The following MMADHC variants were observed in gnomAD, a reference collection of about 807,000 sequenced individuals.
MMADHC encodes the protein metabolism of cobalamin associated D.
Under a neutral mutation model 36.3 loss-of-function variants are expected in MMADHC, and 23 were observed. The ratio of observed to expected loss-of-function variants is 0.63; its 90% CI spans 0.46 to 0.90. MMADHC has a LOEUF of 0.90. Among genes scored for constraint, MMADHC ranks in the 40% least tolerant of loss-of-function variants. The pLI is 0.00. For missense variants in MMADHC, 330 were observed against 348.0 expected (o/e 0.95, Z 0.41); for synonymous variants, 97 against 116.1 (o/e 0.84, Z 1.06).
intron 7 of MMADHC, 114 bp from the exon 8 acceptor site, chr2:149,570,282 A>ATAAG: frequency 1.1e-6 from 1 of 927,472 alleles, no homozygotes; most frequent in Non-Finnish European, 1.7e-6. Flanking sequence ...AAAAAACTAA[A>ATAAG]TAAGTAAAAA....
intron 4 of MMADHC, 126 bp downstream of exon 4, chr2:149,579,305 T>C (rs1407365584): frequency 1.8e-5 from 16 of 872,912 alleles, no homozygotes; most frequent in Non-Finnish European, 2.9e-5. Context: ...TATGCTGTTT[T>C]TGTATATACA....
At chr2:149,583,635 T>G (rs1682824339) in intron 2 of MMADHC, among the ~76,000 whole-genome samples, 1 of 152,142 alleles carries the variant, frequency 6.6e-6, no homozygotes, top group African/African-American at 2.4e-5. Context: ...TGAAAATCAG[T>G]TACCAGGATG....
chr2:149,577,342 CAA>C (rs944344526), intron 4 of MMADHC, among the ~76,000 whole-genome samples: 3 of 152,044 alleles, frequency 2.0e-5, no homozygotes, highest in Non-Finnish European at 4.4e-5. Flanking sequence ...TAATAAAGTA[CAA>C]AGACACAGAA....
chr2:149,583,886 G>C (rs1405539278), intron 2 of MMADHC, among the ~76,000 whole-genome samples: 1 of 151,746 alleles, frequency 6.6e-6, no homozygotes, highest in African/African-American at 2.4e-5. Flanking sequence ...TCTTTATACT[G>C]CCATAAGAAT....
chr2:149,587,148 T>A lies in MMADHC; in HGVS notation c.-51A>T. ...AATAGCTTTCCTTTGGTAAAGTTAT[T>A]TCTGGGAAAGAACACAACAAAACAG... On this transcript the variant is annotated splice_region_variant and 5_prime_UTR_variant, in exon 2 of 8. Coordinates refer to ENST00000303319, the MANE Select transcript of MMADHC (RefSeq NM_015702.3). 1 of 1,589,546 alleles carries A rather than the reference T, an allele frequency of 6.3e-7. No individual in the cohort carries two copies. The highest frequency in any genetic ancestry group is 1.1e-5 in the South Asian group (1 of 90,552).
intron 3 of MMADHC, among the ~76,000 whole-genome samples, chr2:149,580,488 T>C (rs1023563735): frequency 6.6e-6 from 1 of 152,040 alleles, no homozygotes; most frequent in Admixed American, 6.6e-5. Context: ...AATCCTAACT[T>C]ATAAAAAATT....
chr2:149,573,268 C>CAACA (rs1682670131), intron 6 of MMADHC, among the ~76,000 whole-genome samples: 7 of 151,548 alleles, frequency 4.6e-5, no homozygotes, highest in Admixed American at 4.6e-4. Flanking sequence ...AAACAAACAA[C>CAACA]AAAAAACCCA....
intron 7 of MMADHC, among the ~76,000 whole-genome samples, chr2:149,570,850 G>C (rs560689456): frequency 6.6e-6 from 1 of 152,210 alleles, no homozygotes; most frequent in South Asian, 2.1e-4. Flanking sequence ...CTACTAGTGA[G>C]AGCAGAAAGT....
intron 2 of MMADHC, among the ~76,000 whole-genome samples, chr2:149,585,412 A>G (rs931261224): frequency 9.2e-5 from 14 of 152,160 alleles, no homozygotes; most frequent in Non-Finnish European, 2.9e-5. Flanking sequence ...AAAACTAAAA[A>G]CTGGTAGTTT....
At position 149,576,357 on chromosome 2, in the gene MMADHC, G is replaced by A. The variant is rs78044101; in HGVS notation, c.478+80C>T. The A allele has an allele frequency of 7.0e-5, 67 of 959,458 alleles. 1 individual carries two copies. The highest frequency in any genetic ancestry group is 6.1e-4 in the South Asian group (47 of 77,230). 59.4% of individuals were successfully genotyped at this position (959,458 alleles called of 1,614,324 possible). ...AAAATATAATATTAAGGTATACAGC[G>A]TTCCAATTTCTATAGAGTACATTAT... On this transcript the variant is annotated intron_variant, in intron 5 of 7. Coordinates refer to ENST00000303319, the MANE Select transcript of MMADHC (RefSeq NM_015702.3).
intron 2 of MMADHC, 70 bp from the exon 3 acceptor site, chr2:149,582,341 G>C: frequency 1.3e-6 from 2 of 1,521,836 alleles, no homozygotes; most frequent in South Asian, 2.3e-5. Flanking sequence ...ACAATCTCTG[G>C]CAAATCTTCA....
intron 2 of MMADHC, among the ~76,000 whole-genome samples, chr2:149,586,098 A>T (rs771640803): frequency 8.5e-5 from 13 of 152,306 alleles, no homozygotes; most frequent in Non-Finnish European, 1.2e-4. Context: ...TTGTCTCTAT[A>T]GTCACACTTT....
At chr2:149,579,322 G>T (rs983896268) in intron 4 of MMADHC, 109 bp downstream of exon 4, 2 of 1,035,526 alleles carry the variant, frequency 1.9e-6, no homozygotes, top group Non-Finnish European at 1.5e-6. Context: ...TACATGTACT[G>T]GAATTAAATT....
chr2:149,575,920 C>A, intron 5 of MMADHC, 79 bp from the exon 6 acceptor site: 2 of 1,131,012 alleles, frequency 1.8e-6, no homozygotes, highest in Non-Finnish European at 2.5e-6. Flanking sequence ...GATAAAAGTA[C>A]TTCTTTAGAA....
rs1294410392 is a variant in MMADHC, at chr2:149,576,458, A to G, written c.457T>C (p.Cys153Arg). Residue 153 changes from cysteine to arginine, a missense_variant, in exon 5 of 8, where the codon TGT becomes CGT. By Grantham distance (180) the Cys-to-Arg change is radical. Transcript: ENST00000303319. The part of the protein sequence containing the change: ...SARVECAIQT[C>R]PELLRKDFES... Reference sequence around the variant, plus strand: ...ATACCTTTTCGCAGCAATTCTGGACATGTCTGTATTGCACACTCTACTCTG... The same window carrying G: ...ATACCTTTTCGCAGCAATTCTGGACGTGTCTGTATTGCACACTCTACTCTG... 2 of 1,611,318 alleles carry G rather than the reference A, an allele frequency of 1.2e-6. No homozygotes were observed. The highest frequency in any genetic ancestry group is 4.5e-5 in the East Asian group (2 of 44,800).
intron 6 of MMADHC, 105 bp downstream of exon 6, chr2:149,575,606 A>G: frequency 1.0e-6 from 1 of 993,536 alleles, no homozygotes; most frequent in South Asian, 1.9e-5. Context: ...ACTTTGGCAG[A>G]AAATGAATAA....
At chr2:149,576,285 T>C in intron 5 of MMADHC, 152 bp downstream of exon 5, 2 of 656,642 alleles carry the variant, frequency 3.0e-6, no homozygotes, top group Non-Finnish European at 5.5e-6. Context: ...ACAGGACATT[T>C]CAAAGCCTTT....
At position 149,579,656 on chromosome 2, in the gene MMADHC, G is replaced by T. The variant is rs1349035917; in HGVS notation, c.155-8C>A. Reference sequence around the variant, plus strand: ...GCCACACTGTTCGAGAGCCTGAAGAGAAACAACAAAAGGAACAGTTTCTCC... The same window carrying T: ...GCCACACTGTTCGAGAGCCTGAAGATAAACAACAAAAGGAACAGTTTCTCC... On this transcript the variant is annotated splice_region_variant and splice_polypyrimidine_tract_variant and intron_variant, in intron 3 of 7. Coordinates refer to ENST00000303319, the MANE Select transcript of MMADHC (RefSeq NM_015702.3). 6.2e-7 allele frequency: 1 copy of T among 1,611,498 alleles called. No individual in the cohort carries two copies. The highest frequency in any genetic ancestry group is 2.2e-5 in the East Asian group (1 of 44,856).
At chr2:149,582,041 A>T (rs1682801427) in intron 3 of MMADHC, 86 bp downstream of exon 3, 1 of 1,450,838 alleles carries the variant, frequency 6.9e-7, no homozygotes, top group Non-Finnish European at 9.6e-7. Flanking sequence ...AAAATCCATT[A>T]AGCCTTAAGA....
Sources: gnomAD v4.1 joint callset for allele counts (sites outside exome capture counted in the v4.1 genomes callset) on GRCh38, gnomAD v4.1.1 for gene constraint, MANE v1.5 for transcripts, NCBI Gene and HGNC (gene_info 2026-07-23, HGNC 2026-07-21) for gene names.